The following MCHR2 variants were observed in gnomAD, a reference collection of about 807,000 sequenced individuals.
The protein encoded by MCHR2 is melanin concentrating hormone receptor 2.
In MCHR2, 15 loss-of-function variants were observed where a neutral mutation model predicts 24.8. That is an observed-to-expected ratio of 0.60 (90% CI 0.40 to 0.93). The LOEUF (loss-of-function observed/expected upper bound fraction) is 0.93, where lower values mean the gene tolerates loss of function less well. Ranked by LOEUF, MCHR2 falls within the 40% of genes least tolerant of loss-of-function variation. MCHR2 has a pLI of 0.00. For synonymous variants in MCHR2, 151 were observed against 147.6 expected (o/e 1.02, Z -0.17); for missense variants, 386 against 408.7 (o/e 0.94, Z 0.48).
intron 5 of MCHR2, among the ~76,000 whole-genome samples, chr6:99,923,535 T>C (rs1313550762): frequency 1.3e-5 from 2 of 152,116 alleles, no homozygotes; most frequent in South Asian, 2.1e-4. Context: ...GTCTGTCATA[T>C]ATGGCTTTTA....
At chr6:99,959,046 A>G (rs773745395) in intron 1 of MCHR2, among the ~76,000 whole-genome samples, 1 of 152,054 alleles carries the variant, frequency 6.6e-6, no homozygotes, top group Non-Finnish European at 1.5e-5. Flanking sequence ...AGGAGGAGTG[A>G]AGATTGGAGC....
intron 5 of MCHR2, among the ~76,000 whole-genome samples, chr6:99,926,242 C>G (rs1350444431): frequency 1.3e-5 from 2 of 152,124 alleles, no homozygotes; most frequent in African/African-American, 4.8e-5. Flanking sequence ...CATTGTTGGA[C>G]ATTTGGGTTG....
At chr6:99,980,697 C>T (rs912002152) in intron 1 of MCHR2, among the ~76,000 whole-genome samples, 1 of 152,174 alleles carries the variant, frequency 6.6e-6, no homozygotes, top group Non-Finnish European at 1.5e-5. Flanking sequence ...AAAATACCCT[C>T]TATATTGGGA....
chr6:99,932,805 A>T (rs900889965), intron 5 of MCHR2, among the ~76,000 whole-genome samples: 3 of 152,168 alleles, frequency 2.0e-5, no homozygotes, highest in Admixed American at 6.5e-5. Flanking sequence ...CCAATGTGCT[A>T]TTCTGGATTG....
chr6:99,992,124 C>T (rs187662385), intron 1 of MCHR2, among the ~76,000 whole-genome samples: 16 of 152,326 alleles, frequency 1.1e-4, no homozygotes, highest in African/African-American at 3.1e-4. Flanking sequence ...GGTGTCACTG[C>T]GGAAGGCAGA....
chr6:99,968,864 T>G (rs1159308923), intron 1 of MCHR2, among the ~76,000 whole-genome samples: 1 of 152,054 alleles, frequency 6.6e-6, no homozygotes, highest in Non-Finnish European at 1.5e-5. Context: ...AACAACACAC[T>G]TCCTCATAAT....
intron 1 of MCHR2, among the ~76,000 whole-genome samples, chr6:99,989,451 C>T (rs1333297368): frequency 3.3e-5 from 5 of 152,064 alleles, no homozygotes; most frequent in Non-Finnish European, 5.9e-5. Flanking sequence ...TTCATTTTGC[C>T]AAAGAGAATA....
chr6:99,956,835 CTT>C (rs1390706285), intron 1 of MCHR2, among the ~76,000 whole-genome samples: 1 of 152,020 alleles, frequency 6.6e-6, no homozygotes, highest in African/African-American at 2.4e-5. Flanking sequence ...CTTGATCAAA[CTT>C]TTGATAAAAG....
intron 5 of MCHR2, among the ~76,000 whole-genome samples, chr6:99,925,690 T>C (rs917112801): frequency 2.0e-5 from 3 of 152,060 alleles, no homozygotes; most frequent in African/African-American, 7.2e-5. Context: ...CAGTAAAAAC[T>C]CTACACCTTA....
intron 2 of MCHR2, among the ~76,000 whole-genome samples, chr6:99,954,339 A>T (rs1775019731): frequency 6.6e-6 from 1 of 152,136 alleles, no homozygotes; most frequent in Admixed American, 6.5e-5. Context: ...ATGTGTTAAT[A>T]TGATGCTGAA....
intron 1 of MCHR2, among the ~76,000 whole-genome samples, chr6:99,970,788 A>T (rs972843581): frequency 3.3e-5 from 5 of 152,194 alleles, no homozygotes; most frequent in Admixed American, 1.3e-4. Flanking sequence ...ATGGCTAGCC[A>T]GTTTTCCCAG....
At chr6:99,924,809 G>T (rs1381552143) in intron 5 of MCHR2, among the ~76,000 whole-genome samples, 1 of 151,996 alleles carries the variant, frequency 6.6e-6, no homozygotes, top group Non-Finnish European at 1.5e-5. Flanking sequence ...GACTTGTTTT[G>T]TGACCTAACA....
rs533569687 is a variant in MCHR2, at chr6:99,930,801, C to T, written c.707+3597G>A. Among the ~76,000 whole-genome samples the T allele has an allele frequency of 6.0e-3, 914 of 152,252 alleles. 10 individuals carry two copies. The highest frequency in any genetic ancestry group is 0.021 in the African/African-American group (875 of 41,536). ...TTGGTTTGAATTTCCTCTTGTAGCT[C>T]AGAGCAGTTTGATCATCTGAAGACT... On this transcript the variant is annotated intron_variant, in intron 5 of 5. Transcript: ENST00000281806.
intron 5 of MCHR2, among the ~76,000 whole-genome samples, chr6:99,922,903 G>GA (rs1582364178): frequency 8.1e-6 from 1 of 123,332 alleles, no homozygotes; most frequent in East Asian, 4.6e-4. Context: ...TAAATTTTAA[G>GA]ATTTTTTTTT....
At chr6:99,968,975 C>A (rs1282783815) in intron 1 of MCHR2, among the ~76,000 whole-genome samples, 2 of 151,864 alleles carry the variant, frequency 1.3e-5, no homozygotes, top group African/African-American at 4.8e-5. Context: ...TAAAGCAGGG[C>A]TATAAGGGAA....
chr6:99,964,172 T>A (rs922572350), intron 1 of MCHR2, among the ~76,000 whole-genome samples: 1 of 152,056 alleles, frequency 6.6e-6, no homozygotes, highest in Non-Finnish European at 1.5e-5. Flanking sequence ...GGTGGCAGCA[T>A]AAATGGATAT....
chr6:99,988,464 C>T (rs1775807146), intron 1 of MCHR2, among the ~76,000 whole-genome samples: 1 of 152,200 alleles, frequency 6.6e-6, no homozygotes, highest in Non-Finnish European at 1.5e-5. Flanking sequence ...CTCTTTTGCA[C>T]ACTGGCCCAC....
chr6:99,937,587 G>A (rs765354680), intron 4 of MCHR2, among the ~76,000 whole-genome samples: 44 of 151,738 alleles, frequency 2.9e-4, no homozygotes, highest in Non-Finnish European at 5.6e-4. Context: ...TTTTTTTAAT[G>A]TGTTGTTGAA....
chr6:99,929,959 T>G (rs998161432), intron 5 of MCHR2, among the ~76,000 whole-genome samples: 40 of 150,722 alleles, frequency 2.7e-4, no homozygotes, highest in Non-Finnish European at 4.6e-4. Context: ...TTTTGCATGA[T>G]TTTGCAGTGG....
Sources: allele counts gnomAD v4.1 joint callset (sites outside exome capture counted in the v4.1 genomes callset), GRCh38; gene constraint gnomAD v4.1.1; transcripts MANE v1.5; gene names NCBI Gene and HGNC (gene_info 2026-07-23, HGNC 2026-07-21).